The following FAT3 variants were observed in gnomAD, a reference collection of about 807,000 sequenced individuals.
The protein encoded by FAT3 is protocadherin Fat 3.
Under a neutral mutation model 310.2 loss-of-function variants are expected in FAT3, and 95 were observed. The observed-to-expected ratio is 0.31, with a 90% CI of 0.26 to 0.36. The LOEUF is 0.36. FAT3 is among the 10% of genes least tolerant of loss of function. The pLI is 1.00. For missense variants in FAT3, 5,408 were observed against 5,715.6 expected, an observed-to-expected ratio of 0.95 and a Z score of 1.74; for synonymous variants, 2,314 against 2,192.9, an observed-to-expected ratio of 1.06 and a Z score of -1.54.
At chr11:92,671,251 G>T (rs923685817) in intron 3 of FAT3, among the ~76,000 whole-genome samples, 20 of 151,886 alleles carry the variant, frequency 1.3e-4, no homozygotes, top group African/African-American at 4.1e-4. Context: ...CGTCATGTTG[G>T]TCAGGCTGGT....
chr11:92,527,166 A>C (rs1408877776), intron 3 of FAT3, among the ~76,000 whole-genome samples: 21 of 152,158 alleles, frequency 1.4e-4, no homozygotes, highest in Admixed American at 1.4e-3. Context: ...TGAGTTTCAA[A>C]TGCTTGCTCT....
chr11:92,587,765 C>G (rs889916111), intron 3 of FAT3, among the ~76,000 whole-genome samples: 1 of 151,866 alleles, frequency 6.6e-6, no homozygotes. Flanking sequence ...TAATATGGAA[C>G]GTGTTCCTCC....
At chr11:92,623,013 C>G in intron 3 of FAT3, among the ~76,000 whole-genome samples, 1 of 152,262 alleles carries the variant, frequency 6.6e-6, no homozygotes, top group East Asian at 1.9e-4. Flanking sequence ...GGATTCAAGG[C>G]ACTTCCCATA....
At chr11:92,410,262 A>G (rs1950227139) in intron 2 of FAT3, among the ~76,000 whole-genome samples, 2 of 151,962 alleles carry the variant, frequency 1.3e-5, no homozygotes, top group Non-Finnish European at 2.9e-5. Context: ...GTAGCCACTT[A>G]AAAGTTCACT....
At chr11:92,416,916 A>G (rs894199087) in intron 2 of FAT3, among the ~76,000 whole-genome samples, 1 of 152,336 alleles carries the variant, frequency 6.6e-6, no homozygotes, top group East Asian at 1.9e-4. Flanking sequence ...GATGAGCACC[A>G]GGACAGATGT....
chr11:92,288,168 A>G (rs1203775790), intron 1 of FAT3, among the ~76,000 whole-genome samples: 1 of 152,192 alleles, frequency 6.6e-6, no homozygotes, highest in Non-Finnish European at 1.5e-5. Context: ...TCTGCAATAT[A>G]TGACAACATG....
intron 19 of FAT3, among the ~76,000 whole-genome samples, chr11:92,850,560 G>A (rs1208364281): frequency 6.6e-6 from 1 of 152,180 alleles, no homozygotes; most frequent in Non-Finnish European, 1.5e-5. Context: ...CTTCTCACAG[G>A]CCATGAATTA....
intron 1 of FAT3, among the ~76,000 whole-genome samples, chr11:92,346,960 T>C (rs1014376183): frequency 3.9e-5 from 6 of 152,236 alleles, no homozygotes; most frequent in African/African-American, 1.4e-4. Context: ...AAAATCTGCC[T>C]TTATTAATGA....
chr11:92,522,737 G>C (rs974004942), intron 2 of FAT3, among the ~76,000 whole-genome samples: 1 of 152,130 alleles, frequency 6.6e-6, no homozygotes, highest in Non-Finnish European at 1.5e-5. Flanking sequence ...AACTGTCTTT[G>C]TGTCCTATAG....
At chr11:92,889,746 C>T (rs1949874596) in intron 26 of FAT3, 110 bp from the exon 27 acceptor site, 2 of 679,176 alleles carry the variant, frequency 2.9e-6, no homozygotes, top group African/African-American at 1.8e-5. Context: ...TTAGTCGTAG[C>T]CCACAGGCCT....
intron 17 of FAT3, 142 bp from the exon 18 acceptor site, chr11:92,840,420 C>T (rs1948508634): frequency 1.5e-6 from 1 of 685,066 alleles, no homozygotes; most frequent in Non-Finnish European, 2.3e-6. Flanking sequence ...ACAGGGAATC[C>T]CTTCTGCTGA....
chr11:92,451,074 A>G (rs2135064949), intron 2 of FAT3, among the ~76,000 whole-genome samples: 1 of 152,208 alleles, frequency 6.6e-6, no homozygotes, highest in South Asian at 2.1e-4. Context: ...CTGAACCTCC[A>G]ATAGATGAGC....
At chr11:92,260,178 G>A (rs922084168) in intron 1 of FAT3, among the ~76,000 whole-genome samples, 7 of 152,044 alleles carry the variant, frequency 4.6e-5, no homozygotes, top group Non-Finnish European at 8.8e-5. Context: ...CTTTCTGTTC[G>A]TCAGTTTTGT....
At chr11:92,587,299 A>G (rs1448458614) in intron 3 of FAT3, among the ~76,000 whole-genome samples, 1 of 151,996 alleles carries the variant, frequency 6.6e-6, no homozygotes, top group Non-Finnish European at 1.5e-5. Context: ...GATCCCATGC[A>G]CTACTTATTC....
chr11:92,805,125 A>C (rs1947467126), intron 10 of FAT3, 28 bp from the exon 11 acceptor site: 1 of 1,598,162 alleles, frequency 6.3e-7, no homozygotes, highest in African/African-American at 1.3e-5. Flanking sequence ...GCACATCTTC[A>C]AAAGCTCTTT....
intron 2 of FAT3, among the ~76,000 whole-genome samples, chr11:92,447,532 T>C (rs917669135): frequency 2.0e-5 from 3 of 152,138 alleles, no homozygotes; most frequent in African/African-American, 7.2e-5. Context: ...ACCATTCTAA[T>C]GAATGTTTCA....
intron 4 of FAT3, among the ~76,000 whole-genome samples, chr11:92,760,581 G>T (rs1946123046): frequency 6.6e-6 from 1 of 152,116 alleles, no homozygotes; most frequent in African/African-American, 2.4e-5. Flanking sequence ...ATTTCCAAAA[G>T]TTTAATACCT....
chr11:92,303,786 G>A (rs996221447), intron 1 of FAT3, among the ~76,000 whole-genome samples: 1 of 152,128 alleles, frequency 6.6e-6, no homozygotes, highest in African/African-American at 2.4e-5. Flanking sequence ...AGGTGGGTTA[G>A]ATTCGCCTCA....
intron 3 of FAT3, among the ~76,000 whole-genome samples, chr11:92,689,459 G>T (rs1591611194): frequency 6.6e-6 from 1 of 152,166 alleles, no homozygotes; most frequent in Admixed American, 6.5e-5. Context: ...CCTTAGTATT[G>T]GTTCGCCATC....
Sources: gnomAD v4.1 joint callset for allele counts (sites outside exome capture counted in the v4.1 genomes callset) on GRCh38, gnomAD v4.1.1 for gene constraint, MANE v1.5 for transcripts, NCBI Gene and HGNC (gene_info 2026-07-23, HGNC 2026-07-21) for gene names.